Variants in DPYSL2 observed in about 807,000 individuals in gnomAD.
DPYSL2 encodes dihydropyrimidinase like 2, also known as dihydropyrimidinase-related protein 2.
Under a neutral mutation model 69.9 loss-of-function variants are expected in DPYSL2, and 13 were observed. The observed-to-expected ratio is 0.19, with a 90% CI of 0.12 to 0.30. DPYSL2 has a LOEUF of 0.30. Ranked by LOEUF, DPYSL2 falls within the 10% of genes least tolerant of loss-of-function variation. DPYSL2 has a pLI of 1.00. For synonymous variants in DPYSL2, 326 were observed against 359.1 expected (o/e 0.91, Z 1.04); for missense variants, 587 against 918.9 (o/e 0.64, Z 4.67).
chr8:26,584,475 T>C (rs1197884437), intron 3 of DPYSL2, among the ~76,000 whole-genome samples: 1 of 152,090 alleles, frequency 6.6e-6, no homozygotes, highest in Non-Finnish European at 1.5e-5. Context: ...GAGACGATAC[T>C]CTCTAGGCTG....
chr8:26,630,859 A>C (rs1585559804), intron 7 of DPYSL2, among the ~76,000 whole-genome samples: 1 of 152,136 alleles, frequency 6.6e-6, no homozygotes, highest in Non-Finnish European at 1.5e-5. Context: ...TTAAAGCCAC[A>C]CCTGGACCTG....
At chr8:26,628,061 T>C in intron 7 of DPYSL2, 121 bp downstream of exon 7, 1 of 987,812 alleles carries the variant, frequency 1.0e-6, no homozygotes, top group Non-Finnish European at 1.5e-6. Flanking sequence ...GTGGTCTTTC[T>C]GAGAAGCTGT....
intron 1 of DPYSL2, among the ~76,000 whole-genome samples, chr8:26,538,431 G>A (rs780233951): frequency 4.1e-4 from 62 of 151,970 alleles, no homozygotes; most frequent in Non-Finnish European, 6.2e-4. Context: ...TCTGGTATAG[G>A]TAGGTACCAA....
intron 1 of DPYSL2, among the ~76,000 whole-genome samples, chr8:26,552,148 G>A (rs530869930): frequency 6.6e-6 from 1 of 152,062 alleles, no homozygotes; most frequent in Non-Finnish European, 1.5e-5. Flanking sequence ...CATGGGCCAA[G>A]GAAGACATCT....
rs200481730 is a variant in DPYSL2, at chr8:26,552,044, G to A, written c.355-29925G>A. Reference sequence around the variant, plus strand: ...GCCAATGCTGGTCTTAAACACTTAGGCTCAAGCAATCCTCCTGTCTCAGCC... The same window carrying A: ...GCCAATGCTGGTCTTAAACACTTAGACTCAAGCAATCCTCCTGTCTCAGCC... On this transcript the variant is annotated intron_variant, in intron 1 of 13. Coordinates refer to ENST00000521913, the MANE Select transcript of DPYSL2 (RefSeq NM_001197293.3). Among the ~76,000 whole-genome samples, 16 of 152,142 alleles carry A rather than the reference G, an allele frequency of 1.1e-4. No individual in the cohort carries two copies. The East Asian group carries it at 1.5e-3, about 15-fold the overall frequency.
At chr8:26,573,730 G>C (rs1801278347) in intron 1 of DPYSL2, among the ~76,000 whole-genome samples, 1 of 149,844 alleles carries the variant, frequency 6.7e-6, no homozygotes, top group South Asian at 2.1e-4. Context: ...CCAGCTACTC[G>C]GGAGGCTGAG....
intron 1 of DPYSL2, among the ~76,000 whole-genome samples, chr8:26,556,316 AC>A (rs1563385376): frequency 1.2e-4 from 3 of 24,454 alleles, no homozygotes; most frequent in Non-Finnish European, 1.5e-4. Context: ...GTATATATAT[AC>A]TATATATATA....
intron 3 of DPYSL2, among the ~76,000 whole-genome samples, chr8:26,600,012 A>G (rs558713980): frequency 7.2e-5 from 11 of 152,324 alleles, no homozygotes; most frequent in Admixed American, 7.2e-4. Flanking sequence ...GAATAATACA[A>G]TATGTGGCCT....
chr8:26,606,317 T>C (rs1181762634), intron 3 of DPYSL2, among the ~76,000 whole-genome samples: 1 of 152,114 alleles, frequency 6.6e-6, no homozygotes, highest in East Asian at 1.9e-4. Flanking sequence ...AAGAATTACA[T>C]TTAAACAGTA....
chr8:26,616,255 C>T (rs1009937243), intron 3 of DPYSL2, among the ~76,000 whole-genome samples: 2 of 152,054 alleles, frequency 1.3e-5, no homozygotes, highest in African/African-American at 4.8e-5. Context: ...TCCTTTTATG[C>T]CCTTTTTTTC....
chr8:26,566,898 T>C (rs1212396270), intron 1 of DPYSL2, among the ~76,000 whole-genome samples: 1 of 151,964 alleles, frequency 6.6e-6, no homozygotes, highest in Admixed American at 6.6e-5. Context: ...TGTCTATCCA[T>C]CTACCTGAGC....
chr8:26,595,609 T>G (rs1801843227), intron 3 of DPYSL2, among the ~76,000 whole-genome samples: 5 of 152,220 alleles, frequency 3.3e-5, no homozygotes, highest in Admixed American at 3.3e-4. Flanking sequence ...CCCGCTGCCT[T>G]GCAGTTTGCT....
At chr8:26,638,237 C>T (rs896918670) in intron 8 of DPYSL2, among the ~76,000 whole-genome samples, 6 of 152,122 alleles carry the variant, frequency 3.9e-5, no homozygotes, top group Non-Finnish European at 7.4e-5. Flanking sequence ...GGGAGGTAGT[C>T]GGGGCTACAA....
chr8:26,588,459 G>A lies in DPYSL2; in HGVS notation c.628+4476G>A, dbSNP rs1213986481. On this transcript the variant is annotated intron_variant, in intron 3 of 13. Coordinates refer to ENST00000521913, the MANE Select transcript of DPYSL2 (RefSeq NM_001197293.3). The surrounding 1 kb of genome is among the most constrained non-coding windows in gnomAD (Gnocchi z 5.4). ...ACTTTCAGGGGTGCATGCCGGATCT[G>A]CACACTCTGGATCTCCAGGGCTTGG... Among the ~76,000 whole-genome samples the A allele has an allele frequency of 6.6e-6, 1 of 152,070 alleles. No homozygotes were observed. Among genetic ancestry groups the A allele is most frequent in the Non-Finnish European group, 1.5e-5 (1 of 67,984 alleles).
At chr8:26,572,085 C>T (rs1383647707) in intron 1 of DPYSL2, among the ~76,000 whole-genome samples, 2 of 152,230 alleles carry the variant, frequency 1.3e-5, no homozygotes, top group African/African-American at 2.4e-5. Flanking sequence ...GCACTCTGGG[C>T]ATTGGGGATT....
chr8:26,569,000 T>C (rs991263517), intron 1 of DPYSL2, among the ~76,000 whole-genome samples: 8 of 152,076 alleles, frequency 5.3e-5, no homozygotes, highest in African/African-American at 1.9e-4. Context: ...CCTTGGATCA[T>C]TAGAACCTAG....
intron 3 of DPYSL2, among the ~76,000 whole-genome samples, chr8:26,616,305 A>G (rs1453445320): frequency 6.6e-6 from 1 of 152,090 alleles, no homozygotes; most frequent in Non-Finnish European, 1.5e-5. Context: ...AGCACAACCC[A>G]CAAAGGCTCT....
At chr8:26,543,913 A>G (rs11135940) in intron 1 of DPYSL2, among the ~76,000 whole-genome samples, 52,710 of 152,108 alleles carry the variant, frequency 0.35, 11,439 homozygotes, top group East Asian at 0.67. Context: ...CCAAAGTGCT[A>G]GGATTACAGG....
At chr8:26,577,927 A>G in intron 1 of DPYSL2, 2 of 1,181,380 alleles carry the variant, frequency 1.7e-6, no homozygotes, top group Non-Finnish European at 2.1e-6. Flanking sequence ...ACGGTGGCCG[A>G]CTTGAACCGA....
Sources: gnomAD v4.1 joint callset for allele counts (sites outside exome capture counted in the v4.1 genomes callset) on GRCh38, gnomAD v4.1.1 for gene constraint, Gnocchi (gnomAD v3.1) non-coding constraint, MANE v1.5 for transcripts, NCBI Gene and HGNC (gene_info 2026-07-23, HGNC 2026-07-21) for gene names.